Variants in PHLPP1 observed in about 807,000 individuals in gnomAD.
PHLPP1 encodes PH domain and leucine rich repeat protein phosphatase 1, also known as PH domain leucine-rich repeat-containing protein phosphatase 1.
In PHLPP1, 42 loss-of-function variants were observed where a neutral mutation model predicts 117.2. The ratio of observed to expected loss-of-function variants is 0.36; its 90% confidence interval spans 0.28 to 0.46. PHLPP1 has a LOEUF of 0.46. PHLPP1 is among the 20% of genes least tolerant of loss of function. The pLI is 1.00. For synonymous variants in PHLPP1, 1,042 were observed against 970.7 expected (o/e 1.07, Z -1.37); for missense variants, 2,084 against 2,241.9 (o/e 0.93, Z 1.42).
At chr18:62,879,139 AT>A (rs374947444) in intron 4 of PHLPP1, among the ~76,000 whole-genome samples, 4 of 152,294 alleles carry the variant, frequency 2.6e-5, no homozygotes, top group African/African-American at 9.6e-5. Flanking sequence ...TGGAAACATA[AT>A]CCCCCATGCA....
chr18:62,912,456 A>G (rs1414362373), intron 8 of PHLPP1, among the ~76,000 whole-genome samples: 1 of 151,898 alleles, frequency 6.6e-6, no homozygotes, highest in South Asian at 2.1e-4. Flanking sequence ...TATTTAATTA[A>G]CTTAAATCAG....
intron 1 of PHLPP1, among the ~76,000 whole-genome samples, chr18:62,829,285 ACT>A (rs1223168912): frequency 6.6e-6 from 1 of 152,006 alleles, no homozygotes; most frequent in East Asian, 1.9e-4. Flanking sequence ...AGGAGGAAAA[ACT>A]CTGCAGTTAA....
Position 62,979,329 on chromosome 18 carries a change from A to G in PHLPP1, c.5052A>G (p.Gln1684=). The G allele has an allele frequency of 1.3e-6, 2 of 1,551,718 alleles. No individual in the cohort carries two copies. Among genetic ancestry groups the G allele is most frequent in the Non-Finnish European group, 1.7e-6 (2 of 1,146,600 alleles). ...AAATCATGAAGCATCACCAGGAGCAACAGCAGCAGCAGCAGCCGCCACCAC... is the reference window on the plus strand; with the variant it reads ...AAATCATGAAGCATCACCAGGAGCAGCAGCAGCAGCAGCAGCCGCCACCAC... ...VKEIMKHHQE[Q]QQQQQPPPPP... Residue 1684 remains glutamine, a synonymous_variant, in exon 17 of 17, where the codon CAA becomes CAG. Transcript: ENST00000262719.
chr18:62,775,814 C>T (rs1194406613), intron 1 of PHLPP1, among the ~76,000 whole-genome samples: 2 of 152,144 alleles, frequency 1.3e-5, no homozygotes, highest in Non-Finnish European at 2.9e-5. Context: ...TCCGTCATCC[C>T]CAGAAGTTTT....
chr18:62,771,140 G>A lies in PHLPP1; in HGVS notation c.1576+53881G>A, dbSNP rs144245855. Among the ~76,000 whole-genome samples the A allele has an allele frequency of 5.1e-3, 768 of 151,774 alleles. 10 individuals are homozygous for A. Among genetic ancestry groups the A allele is most frequent in the African/African-American group, 0.018 (729 of 41,334 alleles). The stretch of plus-strand genomic sequence containing the variant: ...GAGGCAGGAAAATCGCTTGAACCCG[G>A]GAGGTGGAGGTTGCAGTGAGCCGAG... On this transcript the variant is annotated intron_variant, in intron 1 of 16. Coordinates refer to ENST00000262719, the MANE Select transcript of PHLPP1 (RefSeq NM_194449.4).
At chr18:62,923,431 G>T (rs981623847) in intron 10 of PHLPP1, among the ~76,000 whole-genome samples, 1 of 152,168 alleles carries the variant, frequency 6.6e-6, no homozygotes, top group African/African-American at 2.4e-5. Context: ...CTCCAGCATA[G>T]CATAGCAACT....
chr18:62,913,643 G>T (rs539491197), intron 8 of PHLPP1, among the ~76,000 whole-genome samples: 2 of 151,608 alleles, frequency 1.3e-5, no homozygotes, highest in African/African-American at 2.4e-5. Flanking sequence ...AAGCTAACCA[G>T]TGTGACTAGG....
At chr18:62,784,807 T>C (rs1374115640) in intron 1 of PHLPP1, among the ~76,000 whole-genome samples, 2 of 152,174 alleles carry the variant, frequency 1.3e-5, no homozygotes, top group African/African-American at 2.4e-5. Flanking sequence ...ATTCAGTAAT[T>C]GTGGTTTCCT....
intron 1 of PHLPP1, among the ~76,000 whole-genome samples, chr18:62,780,417 T>C (rs1568115000): frequency 6.6e-6 from 1 of 152,246 alleles, no homozygotes; most frequent in East Asian, 1.9e-4. Context: ...TTTTCTTCTT[T>C]GGAAGTCATT....
intron 1 of PHLPP1, among the ~76,000 whole-genome samples, chr18:62,828,437 A>C (rs1282666843): frequency 3.3e-5 from 5 of 152,220 alleles, no homozygotes; most frequent in African/African-American, 1.2e-4. Context: ...TGAGAGCTCT[A>C]ACAGTGTAGC....
At chr18:62,859,988 T>G (rs775626949) in intron 3 of PHLPP1, among the ~76,000 whole-genome samples, 4 of 152,210 alleles carry the variant, frequency 2.6e-5, no homozygotes, top group Non-Finnish European at 4.4e-5. Flanking sequence ...GGCAGTTTCT[T>G]CATGGTGCAA....
chr18:62,828,008 T>TTGTGTGTGTGTGTGTG (rs34088259), intron 1 of PHLPP1, among the ~76,000 whole-genome samples: 1 of 146,668 alleles, frequency 6.8e-6, no homozygotes, highest in Non-Finnish European at 1.5e-5. Flanking sequence ...TTCTTTGCAT[T>TTGTGTGTGTGTGTGTG]TGTGTGTGTG....
chr18:62,814,806 A>G (rs1045469124), intron 1 of PHLPP1, among the ~76,000 whole-genome samples: 4 of 152,238 alleles, frequency 2.6e-5, no homozygotes, highest in Admixed American at 2.6e-4. Flanking sequence ...GTAGATTTAT[A>G]CAAAGTCCTA....
intron 1 of PHLPP1, among the ~76,000 whole-genome samples, chr18:62,783,177 G>A (rs1913169529): frequency 6.9e-6 from 1 of 145,066 alleles, no homozygotes; most frequent in African/African-American, 2.5e-5. Context: ...GATGAGTCAC[G>A]TATAGTTACT....
Position 62,723,056 on chromosome 18 carries a change from AT to A in PHLPP1, c.1576+5804del, listed in dbSNP as rs532454648. On this transcript the variant is annotated intron_variant, in intron 1 of 16. Transcript: ENST00000262719. Reference sequence around the variant, plus strand: ...GTAATGCCACATGCATACTGAAGTAATTTTTTTCCCTGTTGTATTTTTTACA... The same window carrying A: ...GTAATGCCACATGCATACTGAAGTAATTTTTTCCCTGTTGTATTTTTTACA... 5.1e-3 allele frequency among the ~76,000 whole-genome samples: 776 copies of A among 152,254 alleles called. 5 individuals are homozygous for A. Among genetic ancestry groups the A allele is most frequent in the Non-Finnish European group, 8.5e-3 (579 of 68,016 alleles).
At chr18:62,842,577 T>C (rs1347773990) in intron 3 of PHLPP1, among the ~76,000 whole-genome samples, 1 of 152,120 alleles carries the variant, frequency 6.6e-6, no homozygotes, top group Non-Finnish European at 1.5e-5. Context: ...TTGGCCAGGC[T>C]GGTCTTGAAC....
In PHLPP1 at chr18:62,895,982, A is replaced by G. The variant is rs1599108169; in HGVS notation, c.2415A>G (p.Lys805=). Residue 805 remains lysine (K), a synonymous_variant, in exon 6 of 17, where the codon AAA becomes AAG. Coordinates refer to ENST00000262719, the MANE Select transcript of PHLPP1 (RefSeq NM_194449.4). ...CCCTTAGGCTACAGGCTTTAAGAAA[A>G]ATGCCTCACATTAAACATGTGGATC... ...VETLRLQALR[K]MPHIKHVDLR... is the part of the protein sequence containing the mutation. 2 of 1,612,378 alleles carry G rather than the reference A, an allele frequency of 1.2e-6. No individual in the cohort carries two copies. The highest frequency in any genetic ancestry group is 2.2e-5 in the East Asian group (1 of 44,868).
intron 12 of PHLPP1, among the ~76,000 whole-genome samples, chr18:62,953,238 C>A (rs952353308): frequency 6.6e-6 from 1 of 152,164 alleles, no homozygotes; most frequent in Admixed American, 6.5e-5. Context: ...GAGACACGAT[C>A]TATAGGATCC....
intron 4 of PHLPP1, among the ~76,000 whole-genome samples, chr18:62,861,643 T>A (rs1266197522): frequency 6.6e-6 from 1 of 152,246 alleles, no homozygotes; most frequent in East Asian, 1.9e-4. Flanking sequence ...ATGACTGATA[T>A]GATCAGGAAT....
Sources: gnomAD v4.1 joint callset for allele counts (sites outside exome capture counted in the v4.1 genomes callset) on GRCh38, gnomAD v4.1.1 for gene constraint, MANE v1.5 for transcripts, NCBI Gene and HGNC (gene_info 2026-07-23, HGNC 2026-07-21) for gene names.